ADARB2: variants seen among roughly 807,000 people sequenced by gnomAD.
ADARB2 encodes the protein inactive double-stranded RNA-specific editase B2.
ADARB2 carries 25 observed loss-of-function variants against 62.2 expected under a neutral mutation model. The observed-to-expected ratio is 0.40, with a 90% confidence interval of 0.29 to 0.56. ADARB2 has a LOEUF of 0.56. ADARB2 is among the 20% of genes least tolerant of loss of function. The pLI is 0.43. For missense variants in ADARB2, 1,071 were observed against 1,077.4 expected, an observed-to-expected ratio of 0.99 and a Z score of 0.08; for synonymous variants, 572 against 500.8, an observed-to-expected ratio of 1.14 and a Z score of -1.90.
intron 1 of ADARB2, among the ~76,000 whole-genome samples, chr10:1,725,396 T>G (rs1414499156): frequency 6.6e-6 from 1 of 152,220 alleles, no homozygotes; most frequent in Non-Finnish European, 1.5e-5. Context: ...TCATTCCTTC[T>G]TGCAAAAATA....
chr10:1,675,102 G>C, intron 1 of ADARB2: 7 of 984,846 alleles, frequency 7.1e-6, no homozygotes, highest in Non-Finnish European at 7.2e-6. Context: ...GGATGTTCTG[G>C]AGGTTTGGGT....
intron 1 of ADARB2, among the ~76,000 whole-genome samples, chr10:1,684,446 A>G (rs989625409): frequency 3.3e-5 from 5 of 152,230 alleles, no homozygotes; most frequent in African/African-American, 1.2e-4. Context: ...ACACATATAT[A>G]TTCTCTATAT....
chr10:1,467,795 T>A (rs1331171237), intron 1 of ADARB2, among the ~76,000 whole-genome samples: 2 of 152,192 alleles, frequency 1.3e-5, no homozygotes, highest in African/African-American at 4.8e-5. Flanking sequence ...CGTTATTCCA[T>A]CCTGTGCTTT....
rs186947656 is a variant in ADARB2, at chr10:1,633,833, G to A, written c.100+103218C>T. Among the ~76,000 whole-genome samples the A allele has an allele frequency of 7.2e-5, 11 of 152,252 alleles. No homozygotes were observed. In the East Asian group the frequency reaches 1.7e-3, roughly 24 times the overall value. ...GAGCAGGCCCAGGGACTCAGTCCAG[G>A]CCCCCGACTCTGACCCCTCCTCTAG... On this transcript the variant is annotated intron_variant, in intron 1 of 9. Coordinates refer to ENST00000381312, the MANE Select transcript of ADARB2 (RefSeq NM_018702.4).
chr10:1,301,351 A>C (rs1276379188), intron 3 of ADARB2, among the ~76,000 whole-genome samples: 1 of 152,224 alleles, frequency 6.6e-6, no homozygotes, highest in Non-Finnish European at 1.5e-5. Flanking sequence ...TCTGGTTACC[A>C]CCAACAGAGG....
At chr10:1,419,819 C>A (rs1408389824) in intron 1 of ADARB2, among the ~76,000 whole-genome samples, 1 of 152,182 alleles carries the variant, frequency 6.6e-6, no homozygotes, top group African/African-American at 2.4e-5. Context: ...CGGAGGGATT[C>A]GTTAGCTCTC....
chr10:1,602,641 T>C (rs766232918), intron 1 of ADARB2, among the ~76,000 whole-genome samples: 33 of 151,744 alleles, frequency 2.2e-4, no homozygotes, highest in Admixed American at 7.2e-4. Flanking sequence ...CACATACATA[T>C]GCACACACAC....
intron 1 of ADARB2, among the ~76,000 whole-genome samples, chr10:1,467,517 C>A (rs1831267926): frequency 6.6e-6 from 1 of 152,184 alleles, no homozygotes; most frequent in Non-Finnish European, 1.5e-5. Context: ...GAAGCCACAT[C>A]TGGCTCAGGA....
chr10:1,653,642 C>T (rs1249285758), intron 1 of ADARB2, among the ~76,000 whole-genome samples: 1 of 143,264 alleles, frequency 7.0e-6, no homozygotes, highest in South Asian at 2.4e-4. Flanking sequence ...AGTGTCCACC[C>T]AACACCTTCT....
At chr10:1,184,807 T>C (rs768502887) in intron 9 of ADARB2, 54 bp downstream of exon 9, 85 of 1,573,868 alleles carry the variant, frequency 5.4e-5, no homozygotes, top group Non-Finnish European at 7.3e-5. Context: ...TGCTCAGGGC[T>C]GGAGCCAGGG....
chr10:1,695,622 A>G (rs1588355634), intron 1 of ADARB2, among the ~76,000 whole-genome samples: 1 of 42,948 alleles, frequency 2.3e-5, no homozygotes, highest in East Asian at 1.6e-3. Flanking sequence ...CATGTTTGTG[A>G]GAGTGTGTGC....
In ADARB2 at chr10:1,178,031, A is replaced by C. The variant is rs1365299178; in HGVS notation, c.*5162T>G. 1 of 152,234 alleles carries C rather than the reference A, an allele frequency of 6.6e-6. No homozygotes were observed. The highest frequency in any genetic ancestry group is 1.5e-5 in the Non-Finnish European group (1 of 68,050). 9.4% of individuals were successfully genotyped at this position (152,234 alleles called of 1,614,324 possible). On this transcript the variant is annotated 3_prime_UTR_variant, in exon 10 of 10. Transcript: ENST00000381312. ...GCGTTCCTTCTGGTGGGAGGTCAGA[A>C]CATGTGGACACATTCAGGAGAGTCC...
At position 1,177,500 on chromosome 10, in the gene ADARB2, T is replaced by G. The variant is rs534667921; in HGVS notation, c.*5693A>C. The G allele has an allele frequency of 6.6e-6, 1 of 152,346 alleles. No homozygotes were observed. Among genetic ancestry groups the G allele is most frequent in the Admixed American group, 6.5e-5 (1 of 15,308 alleles). The allele number at this position is 152,346 out of a possible 1,614,324, so 9.4% of individuals were successfully genotyped here. Reference sequence around the variant, plus strand: ...CAATATTGCCATTCTATCATGCTTTTTATGTACATACCTTCAATTAGAATT... The same window carrying G: ...CAATATTGCCATTCTATCATGCTTTGTATGTACATACCTTCAATTAGAATT... On this transcript the variant is annotated 3_prime_UTR_variant, in exon 10 of 10. Coordinates refer to ENST00000381312, the MANE Select transcript of ADARB2 (RefSeq NM_018702.4).
At chr10:1,472,407 A>C (rs1258576484) in intron 1 of ADARB2, among the ~76,000 whole-genome samples, 1 of 152,052 alleles carries the variant, frequency 6.6e-6, no homozygotes, top group African/African-American at 2.4e-5. Flanking sequence ...GCCAGGTGTG[A>C]GGAGGTCTGG....
intron 1 of ADARB2, among the ~76,000 whole-genome samples, chr10:1,474,957 G>A (rs1831379630): frequency 6.6e-6 from 1 of 152,180 alleles, no homozygotes; most frequent in African/African-American, 2.4e-5. Context: ...GCTGCCGGTC[G>A]TCCTGGAGGG....
At chr10:1,629,986 A>G (rs575261318) in intron 1 of ADARB2, among the ~76,000 whole-genome samples, 37 of 152,182 alleles carry the variant, frequency 2.4e-4, no homozygotes, top group Admixed American at 2.3e-3. Context: ...CCATCTGCCG[A>G]GCCCTTGCTC....
intron 1 of ADARB2, among the ~76,000 whole-genome samples, chr10:1,465,469 C>G (rs1471659514): frequency 2.0e-5 from 3 of 152,156 alleles, no homozygotes; most frequent in Non-Finnish European, 4.4e-5. Context: ...TCCGAGGCAC[C>G]AGGGGGTCGG....
At chr10:1,243,699 G>C (rs559490458) in intron 4 of ADARB2, among the ~76,000 whole-genome samples, 9 of 152,260 alleles carry the variant, frequency 5.9e-5, no homozygotes, top group Non-Finnish European at 1.0e-4. Flanking sequence ...CAGAGGCCCA[G>C]CAGCATCCTT....
intron 4 of ADARB2, among the ~76,000 whole-genome samples, chr10:1,260,534 A>G (rs1831125979): frequency 6.6e-6 from 1 of 151,900 alleles, no homozygotes; most frequent in South Asian, 2.1e-4. Context: ...CCAAATCATG[A>G]GTGAACTCCC....
Sources: gnomAD v4.1 joint callset for allele counts (sites outside exome capture counted in the v4.1 genomes callset) on GRCh38, gnomAD v4.1.1 for gene constraint, MANE v1.5 for transcripts, NCBI Gene and HGNC (gene_info 2026-07-23, HGNC 2026-07-21) for gene names.